The following WWOX variants were observed in gnomAD, a reference collection of about 807,000 sequenced individuals.
WWOX encodes WW domain-containing oxidoreductase.
A neutral mutation model predicts 46.2 loss-of-function variants in WWOX; 69 were observed. The observed-to-expected ratio is 1.49, with a 90% CI of 1.23 to 1.82. WWOX has a LOEUF of 1.82. Among genes scored for constraint, WWOX ranks in the 40% most tolerant of loss-of-function variants. WWOX has a pLI of 0.00. For missense variants in WWOX, 919 were observed against 542.6 expected (o/e 1.69, Z -6.89); for synonymous variants, 359 against 202.6 (o/e 1.77, Z -6.56).
At chr16:78,908,217 A>G (rs375593523) in intron 8 of WWOX, among the ~76,000 whole-genome samples, 3 of 152,104 alleles carry the variant, frequency 2.0e-5, no homozygotes, top group South Asian at 4.1e-4. Flanking sequence ...AGCAAAGCCG[A>G]TTTATCAAGA....
intron 4 of WWOX, among the ~76,000 whole-genome samples, chr16:78,128,566 T>A (rs1359846575): frequency 1.3e-5 from 2 of 152,212 alleles, no homozygotes; most frequent in African/African-American, 4.8e-5. Flanking sequence ...ATTTAGATAC[T>A]GATTGGGGAT....
intron 5 of WWOX, among the ~76,000 whole-genome samples, chr16:78,258,915 C>A (rs1031837547): frequency 2.0e-5 from 3 of 152,122 alleles, no homozygotes; most frequent in Non-Finnish European, 4.4e-5. Flanking sequence ...AGTTCACTTC[C>A]CTGCCTGCTT....
intron 8 of WWOX, among the ~76,000 whole-genome samples, chr16:79,026,661 A>C (rs1322212692): frequency 8.2e-6 from 1 of 122,198 alleles, no homozygotes; most frequent in Non-Finnish European, 1.6e-5. Context: ...TCTGTCGCCT[A>C]GGCTGCAGTG....
At chr16:78,377,637 A>G (rs1282498218) in intron 5 of WWOX, among the ~76,000 whole-genome samples, 1 of 152,216 alleles carries the variant, frequency 6.6e-6, no homozygotes, top group Non-Finnish European at 1.5e-5. Context: ...ACTGTTTTTA[A>G]GCTGCAAAGT....
intron 8 of WWOX, among the ~76,000 whole-genome samples, chr16:78,967,348 G>A (rs555555693): frequency 7.3e-6 from 1 of 136,768 alleles, no homozygotes; most frequent in Admixed American, 8.2e-5. Flanking sequence ...GGAGTGCAGT[G>A]GCATGATCAT....
At chr16:78,248,764 A>G (rs1251083285) in intron 5 of WWOX, among the ~76,000 whole-genome samples, 1 of 152,000 alleles carries the variant, frequency 6.6e-6, no homozygotes, top group Non-Finnish European at 1.5e-5. Flanking sequence ...TTTGACACGA[A>G]ATTTGGTGGG....
chr16:78,530,281 G>C (rs1431807775), intron 8 of WWOX, among the ~76,000 whole-genome samples: 1 of 152,184 alleles, frequency 6.6e-6, no homozygotes, highest in Non-Finnish European at 1.5e-5. Flanking sequence ...GAGGGTCAGC[G>C]TGACAGCCTT....
intron 5 of WWOX, 114 bp downstream of exon 5, chr16:78,164,403 ATTTT>A: frequency 1.1e-6 from 1 of 924,462 alleles, no homozygotes; most frequent in Non-Finnish European, 1.7e-6. Flanking sequence ...TCATGTCTTT[ATTTT>A]TAAAGTCATC....
chr16:78,636,683 C>T (rs983942980), intron 8 of WWOX, among the ~76,000 whole-genome samples: 3 of 152,120 alleles, frequency 2.0e-5, no homozygotes, highest in African/African-American at 7.2e-5. Flanking sequence ...GGTAAGTGCT[C>T]ACTTACTGAG....
At position 78,715,390 on chromosome 16, in the gene WWOX, C is replaced by A. The variant is rs530909048; in HGVS notation, c.1056+282638C>A. Among the ~76,000 whole-genome samples, 51 of 152,192 alleles carry A rather than the reference C, an allele frequency of 3.4e-4. 1 individual carries two copies. Among genetic ancestry groups the A allele is most frequent in the African/African-American group, 1.2e-3 (51 of 41,516 alleles). On this transcript the variant is annotated intron_variant, in intron 8 of 8. Coordinates refer to ENST00000566780, the MANE Select transcript of WWOX (RefSeq NM_016373.4). ...TCTAGGTTATTCATTCTTCTGGGATCGTAGATGGCCACCACAGGTTCACTG... is the reference window on the plus strand; with the variant it reads ...TCTAGGTTATTCATTCTTCTGGGATAGTAGATGGCCACCACAGGTTCACTG...
intron 5 of WWOX, among the ~76,000 whole-genome samples, chr16:78,325,003 C>T (rs565477592): frequency 1.7e-4 from 26 of 152,240 alleles, no homozygotes; most frequent in African/African-American, 4.3e-4. Context: ...ACTCAGGGCC[C>T]GAGCTGCTCA....
intron 8 of WWOX, among the ~76,000 whole-genome samples, chr16:78,530,102 G>C (rs559170574): frequency 4.6e-5 from 7 of 152,226 alleles, no homozygotes; most frequent in South Asian, 2.1e-4. Context: ...GCAGGTGCAG[G>C]AGCCAGGGTA....
intron 5 of WWOX, among the ~76,000 whole-genome samples, chr16:78,173,737 A>T (rs2035240376): frequency 6.6e-6 from 1 of 152,174 alleles, no homozygotes; most frequent in Non-Finnish European, 1.5e-5. Flanking sequence ...AAATATACTC[A>T]TAAATCTTGT....
chr16:78,476,963 C>G (rs780908951), intron 8 of WWOX, among the ~76,000 whole-genome samples: 2 of 151,924 alleles, frequency 1.3e-5, no homozygotes, highest in African/African-American at 4.8e-5. Flanking sequence ...CTCTTTTTCA[C>G]CCTTTTATTT....
rs192157004 is a variant in WWOX at position 78,899,358 on chromosome 16, G to C, written c.1057-312250G>C. The C allele has an allele frequency of 1.3e-3, 192 of 152,276 alleles. 1 individual carries two copies. Among genetic ancestry groups the C allele is most frequent in the African/African-American group, 4.5e-3 (185 of 41,560 alleles). 9.4% of individuals were successfully genotyped at this position (152,276 alleles called of 1,614,324 possible). A position where few individuals can be genotyped will look rare whatever the true frequency, so the allele number is the denominator to read the frequency against. Reference sequence around the variant, plus strand: ...TTTAGCTCATTGGTTAAAAGGATTTGTTCCGGAAACCTAACTCCAAATCTT... The same window carrying C: ...TTTAGCTCATTGGTTAAAAGGATTTCTTCCGGAAACCTAACTCCAAATCTT... On this transcript the variant is annotated intron_variant, in intron 8 of 8. Transcript: ENST00000566780.
chr16:78,880,505 G>C (rs1007844005), intron 8 of WWOX, among the ~76,000 whole-genome samples: 4 of 152,160 alleles, frequency 2.6e-5, no homozygotes, highest in Non-Finnish European at 4.4e-5. Flanking sequence ...AATTAGTCAA[G>C]CACTATCGGT....
In WWOX at chr16:78,448,914, T is replaced by C. The variant is rs547061380; in HGVS notation, c.1056+16162T>C. ...GATTATAATGACACCTGAGGTCTTT[T>C]TGAAGTCCTTGGGTCGGCTATCTTG... On this transcript the variant is annotated intron_variant, in intron 8 of 8. Transcript: ENST00000566780. 4.6e-5 allele frequency among the ~76,000 whole-genome samples: 7 copies of C among 152,310 alleles called. No individual in the cohort carries two copies. The South Asian group carries it at 1.2e-3, about 27-fold the overall frequency.
chr16:78,753,076 C>T (rs2049526388), intron 8 of WWOX, among the ~76,000 whole-genome samples: 1 of 152,158 alleles, frequency 6.6e-6, no homozygotes, highest in South Asian at 2.1e-4. Flanking sequence ...GGGTGGATCA[C>T]CTGAGGTCAG....
chr16:78,671,607 C>T (rs7194800), intron 8 of WWOX, among the ~76,000 whole-genome samples: 39,317 of 151,906 alleles, frequency 0.26, 7,886 homozygotes, highest in African/African-American at 0.56. Flanking sequence ...GATTTTCTTA[C>T]CTATAAAGTA....
Sources: allele counts gnomAD v4.1 joint callset (sites outside exome capture counted in the v4.1 genomes callset), GRCh38; gene constraint gnomAD v4.1.1; transcripts MANE v1.5; gene names NCBI Gene and HGNC (gene_info 2026-07-23, HGNC 2026-07-21).